The following EML4 variants were observed in gnomAD, a reference collection of about 807,000 sequenced individuals.
EML4 encodes the protein EMAP like 4.
Under a neutral mutation model 129.0 loss-of-function variants are expected in EML4, and 72 were observed. The observed-to-expected ratio is 0.56, with a 90% CI of 0.46 to 0.68. EML4 has a LOEUF of 0.68. EML4 is among the 30% of genes least tolerant of loss of function. The probability of loss-of-function intolerance (pLI) is 0.00; values close to 1 mark genes in which losing one functional copy is unlikely to be tolerated. For missense variants in EML4, 1,363 were observed against 1,190.6 expected (o/e 1.14, Z -2.13); for synonymous variants, 532 against 405.0 (o/e 1.31, Z -3.77).
Position 42,261,206 on chromosome 2 carries a change from C to A in EML4, c.424C>A (p.Arg142=). 2 of 1,613,752 alleles carry A rather than the reference C, an allele frequency of 1.2e-6. No homozygotes were observed. Among genetic ancestry groups the A allele is most frequent in the Non-Finnish European group, 1.7e-6 (2 of 1,179,802 alleles). ...TTCTAATGATCAAAGTCCACAAATTCGAGCATCACCTTCTCCCCAGCCCTC... is the reference window on the plus strand; with the variant it reads ...TTCTAATGATCAAAGTCCACAAATTAGAGCATCACCTTCTCCCCAGCCCTC... ...SHSNDQSPQI[R]ASPSPQPSSQ... The change falls in exon 4 of 23, where the codon CGA becomes AGA. Residue 142 remains arginine (R), a synonymous_variant. Coordinates refer to ENST00000318522, the MANE Select transcript of EML4 (RefSeq NM_019063.5).
chr2:42,245,304 C>T (rs1675325996), intron 1 of EML4, among the ~76,000 whole-genome samples: 2 of 151,322 alleles, frequency 1.3e-5, no homozygotes, highest in Non-Finnish European at 1.5e-5. Context: ...CCATGTTGGC[C>T]ATGCTGGTCT....
intron 1 of EML4, among the ~76,000 whole-genome samples, chr2:42,171,990 C>A (rs1305813860): frequency 1.3e-5 from 2 of 151,898 alleles, no homozygotes; most frequent in South Asian, 2.1e-4. Context: ...TTACATTGAT[C>A]TTTATTTTAC....
intron 19 of EML4, among the ~76,000 whole-genome samples, chr2:42,323,565 C>A (rs1669633277): frequency 6.6e-6 from 1 of 152,098 alleles, no homozygotes; most frequent in South Asian, 2.1e-4. Context: ...CAGAAGGGTA[C>A]TAAAAGAATT....
At chr2:42,274,920 ATAG>A (rs895408557) in intron 6 of EML4, among the ~76,000 whole-genome samples, 60 of 152,316 alleles carry the variant, frequency 3.9e-4, no homozygotes, top group Admixed American at 3.3e-3. Context: ...CTTTCCAAAG[ATAG>A]TAGAGCAGAA....
chr2:42,170,735 GTTTT>G (rs1252514359), intron 1 of EML4, among the ~76,000 whole-genome samples: 1 of 152,318 alleles, frequency 6.6e-6, no homozygotes, highest in Middle Eastern at 3.4e-3. Context: ...TGTATTTTGA[GTTTT>G]TTATGTGCAG....
chr2:42,210,592 G>T (rs566902882), intron 1 of EML4, among the ~76,000 whole-genome samples: 1 of 152,304 alleles, frequency 6.6e-6, no homozygotes, highest in African/African-American at 2.4e-5. Context: ...ACTTCTTGAA[G>T]ACAGTATATT....
chr2:42,225,013 C>G (rs577543246), intron 1 of EML4, among the ~76,000 whole-genome samples: 1 of 152,126 alleles, frequency 6.6e-6, no homozygotes, highest in East Asian at 1.9e-4. Flanking sequence ...CAACATTTGT[C>G]CTTTTGTGTC....
intron 6 of EML4, among the ~76,000 whole-genome samples, chr2:42,265,896 T>G (rs1029327578): frequency 6.6e-6 from 1 of 152,258 alleles, no homozygotes; most frequent in Non-Finnish European, 1.5e-5. Context: ...GTATTTAATT[T>G]AATTGCACTG....
chr2:42,189,835 G>T (rs1013864716), intron 1 of EML4, among the ~76,000 whole-genome samples: 3 of 152,142 alleles, frequency 2.0e-5, no homozygotes, highest in African/African-American at 7.2e-5. Flanking sequence ...ACTGAAGAAA[G>T]AGTGTTTTAT....
intron 6 of EML4, among the ~76,000 whole-genome samples, chr2:42,278,665 G>A (rs1281181206): frequency 6.6e-6 from 1 of 151,508 alleles, no homozygotes; most frequent in African/African-American, 2.4e-5. Context: ...CAGGCATGGT[G>A]GTTCACGCCT....
intron 21 of EML4, among the ~76,000 whole-genome samples, chr2:42,327,609 C>T (rs889678946): frequency 6.6e-6 from 1 of 152,154 alleles, no homozygotes; most frequent in African/African-American, 2.4e-5. Context: ...GGGCTTCTTC[C>T]TAATCTGACG....
At chr2:42,217,458 C>G (rs148016269) in intron 1 of EML4, among the ~76,000 whole-genome samples, 1 of 152,076 alleles carries the variant, frequency 6.6e-6, no homozygotes, top group African/African-American at 2.4e-5. Flanking sequence ...CTTGTTTGGC[C>G]CTCTGTGGAA....
chr2:42,175,898 G>A (rs1670574586), intron 1 of EML4, among the ~76,000 whole-genome samples: 1 of 152,022 alleles, frequency 6.6e-6, no homozygotes, highest in South Asian at 2.1e-4. Flanking sequence ...ACATGTTAAT[G>A]TACTTGTTCT....
chr2:42,289,035 T>C (rs1667471061), intron 11 of EML4: 1 of 152,230 alleles, frequency 6.6e-6, no homozygotes, highest in Middle Eastern at 3.2e-3. Flanking sequence ...TTAACAGTTT[T>C]GTTTTGAGTA....
At chr2:42,199,721 G>A (rs1450720986) in intron 1 of EML4, among the ~76,000 whole-genome samples, 1 of 152,194 alleles carries the variant, frequency 6.6e-6, no homozygotes, top group Non-Finnish European at 1.5e-5. Flanking sequence ...GCAAATGGCA[G>A]TAGTGAAAAA....
chr2:42,328,097 A>G (rs1669907378), intron 21 of EML4, among the ~76,000 whole-genome samples: 1 of 152,228 alleles, frequency 6.6e-6, no homozygotes, highest in South Asian at 2.1e-4. Flanking sequence ...GGTTATTTTA[A>G]TGAAGACATT....
chr2:42,243,343 A>AC (rs1675164735), intron 1 of EML4, among the ~76,000 whole-genome samples: 1 of 152,198 alleles, frequency 6.6e-6, no homozygotes, highest in Non-Finnish European at 1.5e-5. Flanking sequence ...ATTCAGCTAG[A>AC]CCACCGTGGA....
intron 1 of EML4, among the ~76,000 whole-genome samples, chr2:42,177,583 A>C (rs1473773804): frequency 6.6e-6 from 1 of 152,152 alleles, no homozygotes; most frequent in African/African-American, 2.4e-5. Context: ...AGATCACACT[A>C]CTGGGCTCCA....
At chr2:42,169,674 G>T in intron 1 of EML4, 38 bp downstream of exon 1, 2 of 1,592,554 alleles carry the variant, frequency 1.3e-6, no homozygotes, top group South Asian at 2.2e-5. Context: ...TTCTGCGAAG[G>T]GTAGGAACTT....
Sources: gnomAD v4.1 joint callset for allele counts (sites outside exome capture counted in the v4.1 genomes callset) on GRCh38, gnomAD v4.1.1 for gene constraint, MANE v1.5 for transcripts, NCBI Gene and HGNC (gene_info 2026-07-23, HGNC 2026-07-21) for gene names.